The following ARHGAP28 variants were observed in gnomAD, a reference collection of about 807,000 sequenced individuals.
ARHGAP28 encodes rho GTPase-activating protein 28.
ARHGAP28 carries 56 observed loss-of-function variants against 90.7 expected under a neutral mutation model. The ratio of observed to expected loss-of-function variants is 0.62; its 90% CI spans 0.50 to 0.77. ARHGAP28 has a LOEUF of 0.77. Ranked by LOEUF, ARHGAP28 falls within the 30% of genes least tolerant of loss-of-function variation. The pLI is 0.00. For missense variants in ARHGAP28, 869 were observed against 900.9 expected (o/e 0.96, Z 0.45); for synonymous variants, 308 against 323.3 (o/e 0.95, Z 0.51).
intron 11 of ARHGAP28, among the ~76,000 whole-genome samples, chr18:6,884,542 T>C (rs893727292): frequency 3.3e-5 from 5 of 152,246 alleles, no homozygotes; most frequent in Admixed American, 3.3e-4. Flanking sequence ...CTATGGATTC[T>C]GAAGTATTTC....
rs796304437 is a variant in ARHGAP28 at position 6,883,502 on chromosome 18, T to A, written c.1453+1203T>A. On this transcript the variant is annotated intron_variant, in intron 11 of 17. Transcript: ENST00000383472. Reference sequence around the variant, plus strand: ...GATCTCCCTGCCTCACCCTCCAAATTGCTGGGATTACAGGCGTGAGCCACC... The same window carrying A: ...GATCTCCCTGCCTCACCCTCCAAATAGCTGGGATTACAGGCGTGAGCCACC... Among the ~76,000 whole-genome samples the A allele has an allele frequency of 9.2e-5, 14 of 152,194 alleles. 1 individual carries two copies. Among genetic ancestry groups the A allele is most frequent in the African/African-American group, 3.4e-4 (14 of 41,558 alleles).
intron 4 of ARHGAP28, among the ~76,000 whole-genome samples, chr18:6,856,341 T>C (rs752156766): frequency 1.3e-5 from 2 of 152,194 alleles, no homozygotes; most frequent in Non-Finnish European, 2.9e-5. Flanking sequence ...ATTATAGCAA[T>C]ATAATCTCAA....
At chr18:6,909,730 T>C (rs2057385997) in intron 17 of ARHGAP28, among the ~76,000 whole-genome samples, 2 of 152,088 alleles carry the variant, frequency 1.3e-5, no homozygotes, top group African/African-American at 4.8e-5. Flanking sequence ...CCTCCCAAAT[T>C]CATTCTTTCT....
At chr18:6,815,391 A>T (rs2056583387) in intron 1 of ARHGAP28, among the ~76,000 whole-genome samples, 1 of 152,208 alleles carries the variant, frequency 6.6e-6, no homozygotes, top group African/African-American at 2.4e-5. Context: ...AGAATATTTG[A>T]AATCTCAAAG....
At chr18:6,857,547 G>A (rs1003206275) in intron 4 of ARHGAP28, among the ~76,000 whole-genome samples, 3 of 152,208 alleles carry the variant, frequency 2.0e-5, no homozygotes, top group African/African-American at 7.2e-5. Flanking sequence ...AGTGTTTTCA[G>A]GTTTTAGGTT....
chr18:6,795,925 T>G (rs1255317386), intron 1 of ARHGAP28, among the ~76,000 whole-genome samples: 1 of 152,236 alleles, frequency 6.6e-6, no homozygotes, highest in African/African-American at 2.4e-5. Flanking sequence ...TGTAGATCCT[T>G]GCATTTCATG....
intron 5 of ARHGAP28, among the ~76,000 whole-genome samples, chr18:6,861,278 A>G (rs886389121): frequency 2.0e-5 from 3 of 152,116 alleles, no homozygotes; most frequent in African/African-American, 7.2e-5. Flanking sequence ...TGTGAATTTC[A>G]TCATGTGAAT....
chr18:6,820,503 G>A (rs1326033344), intron 1 of ARHGAP28, among the ~76,000 whole-genome samples: 1 of 152,138 alleles, frequency 6.6e-6, no homozygotes, highest in Non-Finnish European at 1.5e-5. Context: ...TATTGGAAGA[G>A]AAAATGGATG....
intron 2 of ARHGAP28, among the ~76,000 whole-genome samples, chr18:6,827,394 G>C: frequency 6.8e-6 from 1 of 147,312 alleles, no homozygotes; most frequent in Non-Finnish European, 1.5e-5. Flanking sequence ...TCCGAGATGG[G>C]GCGGCTGGCC....
intron 1 of ARHGAP28, among the ~76,000 whole-genome samples, chr18:6,774,504 A>G (rs1047805081): frequency 1.3e-5 from 2 of 152,158 alleles, no homozygotes; most frequent in Non-Finnish European, 2.9e-5. Context: ...CCTATTAGTA[A>G]TTTGAGAGGA....
At chr18:6,898,260 G>A (rs1022034189) in intron 16 of ARHGAP28, 2 of 464,874 alleles carry the variant, frequency 4.3e-6, no homozygotes, top group African/African-American at 4.0e-5. Flanking sequence ...AAGGCATAGT[G>A]ACCAGGAAGG....
chr18:6,730,081 G>A, intron 1 of ARHGAP28, 138 bp downstream of exon 1: 1 of 895,430 alleles, frequency 1.1e-6, no homozygotes, highest in South Asian at 3.4e-5. Flanking sequence ...AGATGAGTGA[G>A]CCTGGGGTTC....
intron 2 of ARHGAP28, among the ~76,000 whole-genome samples, chr18:6,835,227 A>G (rs1163546845): frequency 2.0e-5 from 3 of 152,142 alleles, no homozygotes; most frequent in African/African-American, 7.2e-5. Flanking sequence ...TACTCCTTAC[A>G]TAGGTGGAGG....
At chr18:6,835,127 T>A (rs1600227776) in intron 2 of ARHGAP28, among the ~76,000 whole-genome samples, 4 of 152,312 alleles carry the variant, frequency 2.6e-5, no homozygotes, top group Admixed American at 2.6e-4. Flanking sequence ...ACATCCTACT[T>A]AGGCTGCAGT....
chr18:6,848,607 G>A (rs12456682), intron 3 of ARHGAP28, among the ~76,000 whole-genome samples: 108,350 of 152,124 alleles, frequency 0.71, 38,774 homozygotes, highest in East Asian at 0.84. Flanking sequence ...TGGCCTTTGA[G>A]TGGAATGTTT....
intron 12 of ARHGAP28, among the ~76,000 whole-genome samples, chr18:6,889,200 G>A (rs899144088): frequency 3.3e-5 from 5 of 152,012 alleles, no homozygotes; most frequent in East Asian, 1.9e-4. Context: ...GATTTCAGTC[G>A]TCTTGGTGAA....
chr18:6,758,085 G>C (rs942053839), intron 1 of ARHGAP28, among the ~76,000 whole-genome samples: 1 of 152,194 alleles, frequency 6.6e-6, no homozygotes, highest in Non-Finnish European at 1.5e-5. Flanking sequence ...TTGGTGAAAG[G>C]TTTGGGAAAC....
chr18:6,767,808 T>A (rs538945378), intron 1 of ARHGAP28, among the ~76,000 whole-genome samples: 3 of 152,234 alleles, frequency 2.0e-5, no homozygotes, highest in African/African-American at 4.8e-5. Context: ...TTTTGTGTTA[T>A]CTTTCTTCGA....
intron 3 of ARHGAP28, among the ~76,000 whole-genome samples, chr18:6,839,606 TTAG>T (rs1280629398): frequency 1.3e-5 from 2 of 152,150 alleles, no homozygotes; most frequent in African/African-American, 4.8e-5. Context: ...CATAATTTTT[TTAG>T]ATTAAGAGTT....
Sources: allele counts gnomAD v4.1 joint callset (sites outside exome capture counted in the v4.1 genomes callset), GRCh38; gene constraint gnomAD v4.1.1; transcripts MANE v1.5; gene names NCBI Gene and HGNC (gene_info 2026-07-23, HGNC 2026-07-21).